The following SVIL variants were observed in gnomAD, a reference collection of about 807,000 sequenced individuals.
The protein encoded by SVIL is archvillin.
SVIL carries 101 observed loss-of-function variants against 240.4 expected under a neutral mutation model. The ratio of observed to expected loss-of-function variants is 0.42; its 90% confidence interval spans 0.36 to 0.50. The LOEUF is 0.50. SVIL is among the 20% of genes least tolerant of loss of function. The pLI, the probability that SVIL is intolerant of heterozygous loss-of-function variation, is 0.01. For missense variants in SVIL, 2,512 were observed against 2,818.7 expected, an observed-to-expected ratio of 0.89 and a Z score of 2.46; for synonymous variants, 999 against 1,100.0, an observed-to-expected ratio of 0.91 and a Z score of 1.82.
At chr10:29,684,234 A>G (rs1960886692) in intron 2 of SVIL, among the ~76,000 whole-genome samples, 1 of 152,176 alleles carries the variant, frequency 6.6e-6, no homozygotes, top group Non-Finnish European at 1.5e-5. Flanking sequence ...GTGAACCAAA[A>G]AGTATCTGAG....
intron 1 of SVIL, among the ~76,000 whole-genome samples, chr10:29,598,471 C>G (rs1956682054): frequency 6.6e-6 from 1 of 152,144 alleles, no homozygotes; most frequent in Non-Finnish European, 1.5e-5. Flanking sequence ...GGGTTCTGAA[C>G]CTGTGGGTGT....
intron 1 of SVIL, among the ~76,000 whole-genome samples, chr10:29,601,542 G>A (rs989159691): frequency 1.3e-5 from 2 of 152,180 alleles, no homozygotes; most frequent in Non-Finnish European, 2.9e-5. Context: ...TGAGGTTCTT[G>A]CCATAGGCGC....
chr10:29,640,002 T>C (rs1013195824), intron 3 of SVIL, among the ~76,000 whole-genome samples: 1 of 152,192 alleles, frequency 6.6e-6, no homozygotes, highest in Non-Finnish European at 1.5e-5. Flanking sequence ...TTTCAGTTCG[T>C]TGACGAGGCA....
At chr10:29,589,523 A>G (rs1956303470) in intron 1 of SVIL, among the ~76,000 whole-genome samples, 5 of 152,216 alleles carry the variant, frequency 3.3e-5, no homozygotes, top group Non-Finnish European at 7.3e-5. Flanking sequence ...GTTTAAGGCC[A>G]AATTAGATGG....
intron 2 of SVIL, among the ~76,000 whole-genome samples, chr10:29,684,012 G>A (rs1960866316): frequency 6.6e-6 from 1 of 151,978 alleles, no homozygotes; most frequent in Non-Finnish European, 1.5e-5. Context: ...GAACATCTTT[G>A]CGTAATTTTT....
intron 12 of SVIL, 62 bp from the exon 13 acceptor site, chr10:29,527,118 G>C: frequency 1.4e-6 from 2 of 1,408,316 alleles, no homozygotes; most frequent in East Asian, 4.7e-5. Context: ...GAAGCATTAA[G>C]GACAGCATAG....
intron 13 of SVIL, among the ~76,000 whole-genome samples, chr10:29,525,243 C>T (rs1950820571): frequency 6.6e-6 from 1 of 152,164 alleles, no homozygotes; most frequent in South Asian, 2.1e-4. Context: ...TTAGCATTTA[C>T]TCTCATAGGT....
intron 6 of SVIL, among the ~76,000 whole-genome samples, chr10:29,541,618 A>G (rs1394750734): frequency 6.6e-6 from 1 of 152,136 alleles, no homozygotes; most frequent in East Asian, 1.9e-4. Flanking sequence ...GCAGCCCAGA[A>G]AGGAGGGAGG....
chr10:29,604,700 G>A (rs1720716826), intron 1 of SVIL, among the ~76,000 whole-genome samples: 1 of 151,786 alleles, frequency 6.6e-6, no homozygotes, highest in South Asian at 2.1e-4. Context: ...AAGTAGCTAG[G>A]TCTACAGGTG....
chr10:29,656,668 C>A lies in SVIL; in HGVS notation c.-201+1301G>T, dbSNP rs925496417. Among the ~76,000 whole-genome samples, 9 of 152,324 alleles carry A rather than the reference C, an allele frequency of 5.9e-5. No homozygotes were observed. In the East Asian group the frequency reaches 1.2e-3, roughly 20 times the overall value. ...CAACATGATTGCTTCCAAGCCCCTT[C>A]TGAGTTCCTGTTTTCCCACACATGA... On this transcript the variant is annotated intron_variant, in intron 3 of 35. Coordinates refer to the SVIL transcript ENST00000375400.
chr10:29,481,493 G>A lies in SVIL; in HGVS notation c.5100+91C>T, dbSNP rs1341099718. The stretch of plus-strand genomic sequence containing the variant: ...GATACATCTGGGGTGACAGCCATAC[G>A]AACTATCCTGATTTGATCATTTTAC... On this transcript the variant is annotated intron_variant, in intron 28 of 37. Transcript: ENST00000355867. 11 of 1,519,102 alleles carry A rather than the reference G, an allele frequency of 7.2e-6. No individual in the cohort carries two copies. The East Asian group carries it at 1.8e-4, about 25-fold the overall frequency. 94.1% of individuals were successfully genotyped at this position (1,519,102 alleles called of 1,614,324 possible). A position where few individuals can be genotyped will look rare whatever the true frequency, so the allele number is the denominator to read the frequency against.
chr10:29,595,377 T>C (rs1358746676), intron 1 of SVIL, among the ~76,000 whole-genome samples: 1 of 152,180 alleles, frequency 6.6e-6, no homozygotes, highest in Non-Finnish European at 1.5e-5. Context: ...AGCACGGCTC[T>C]GCTAGGGTAT....
intron 2 of SVIL, among the ~76,000 whole-genome samples, chr10:29,676,425 C>G (rs1348066088): frequency 2.0e-5 from 3 of 152,088 alleles, no homozygotes; most frequent in Non-Finnish European, 2.9e-5. Context: ...TCTTTGAGAG[C>G]AAAGACTAAC....
At chr10:29,470,731 A>C (rs1945477237) in intron 31 of SVIL, among the ~76,000 whole-genome samples, 1 of 152,226 alleles carries the variant, frequency 6.6e-6, no homozygotes, top group Non-Finnish European at 1.5e-5. Flanking sequence ...TCCACAATGT[A>C]GAAAAGCCAT....
rs142938451 is a variant in SVIL at position 29,490,796 on chromosome 10, G to A, written c.4192+51C>T. On this transcript the variant is annotated intron_variant, in intron 22 of 37. Coordinates refer to ENST00000355867, the MANE Select transcript of SVIL (RefSeq NM_021738.3). ...AAAACCAAGCAATGAGTAGAGCATC[G>A]GAAGAAGCCATTCCCAAACACAGAA... 1.5e-3 allele frequency: 2,464 copies of A among 1,602,772 alleles called. 13 individuals carry two copies. Among genetic ancestry groups the A allele is most frequent in the Middle Eastern group, 7.5e-3 (45 of 6,012 alleles).
intron 6 of SVIL, among the ~76,000 whole-genome samples, chr10:29,540,052 C>A (rs1051196111): frequency 1.3e-5 from 2 of 152,176 alleles, no homozygotes; most frequent in African/African-American, 4.8e-5. Flanking sequence ...ACCAAGATGA[C>A]CTCCTCATTA....
At chr10:29,608,221 G>A (rs1414697397) in intron 1 of SVIL, among the ~76,000 whole-genome samples, 1 of 152,226 alleles carries the variant, frequency 6.6e-6, no homozygotes, top group Admixed American at 6.5e-5. Context: ...CAAGAGGGAC[G>A]TCAAGGCAGT....
chr10:29,500,785 A>C (rs2025854), intron 17 of SVIL, among the ~76,000 whole-genome samples: 1 of 151,874 alleles, frequency 6.6e-6, no homozygotes, highest in African/African-American at 2.4e-5. Flanking sequence ...CCGAGTCAAG[A>C]CCATCCTAGA....
intron 1 of SVIL, among the ~76,000 whole-genome samples, chr10:29,709,603 G>T (rs1327135361): frequency 1.3e-5 from 2 of 152,144 alleles, no homozygotes; most frequent in African/African-American, 4.8e-5. Flanking sequence ...TTCTCCTATG[G>T]GGTATGCTCT....
Sources: gnomAD v4.1 joint callset for allele counts (sites outside exome capture counted in the v4.1 genomes callset) on GRCh38, gnomAD v4.1.1 for gene constraint, MANE v1.5 for transcripts, NCBI Gene and HGNC (gene_info 2026-07-23, HGNC 2026-07-21) for gene names.